The following LRRC4C variants were observed in gnomAD, a reference collection of about 807,000 sequenced individuals.
LRRC4C encodes the protein leucine-rich repeat-containing protein 4C.
A neutral mutation model predicts 33.6 loss-of-function variants in LRRC4C; 5 were observed. The observed-to-expected ratio is 0.15, with a 90% CI of 0.08 to 0.31. The LOEUF (loss-of-function observed/expected upper bound fraction) is 0.31, where lower values mean the gene tolerates loss of function less well. Ranked by LOEUF, LRRC4C falls within the 10% of genes least tolerant of loss-of-function variation. The pLI is 1.00. For synonymous variants in LRRC4C, 329 were observed against 302.0 expected, an observed-to-expected ratio of 1.09 and a Z score of -0.93; for missense variants, 560 against 796.7, an observed-to-expected ratio of 0.70 and a Z score of 3.58.
At chr11:40,754,696 G>A (rs1371904241) in intron 2 of LRRC4C, among the ~76,000 whole-genome samples, 2 of 151,962 alleles carry the variant, frequency 1.3e-5, no homozygotes, top group Non-Finnish European at 2.9e-5. Flanking sequence ...TAACAAAGCA[G>A]TATCTTAAGA....
chr11:40,454,553 G>A (rs1389260760), intron 3 of LRRC4C, among the ~76,000 whole-genome samples: 1 of 152,162 alleles, frequency 6.6e-6, no homozygotes, highest in Non-Finnish European at 1.5e-5. Flanking sequence ...AAGGAAACTT[G>A]TGCGATTCAA....
At chr11:41,040,030 C>T (rs533533455) in intron 1 of LRRC4C, among the ~76,000 whole-genome samples, 2 of 149,674 alleles carry the variant, frequency 1.3e-5, no homozygotes, top group East Asian at 2.0e-4. Context: ...CACAGCTACT[C>T]GGGAGGCTGA....
intron 3 of LRRC4C, among the ~76,000 whole-genome samples, chr11:40,441,422 C>A (rs932253675): frequency 6.6e-6 from 1 of 152,176 alleles, no homozygotes; most frequent in Admixed American, 6.5e-5. Context: ...TAGTACGATT[C>A]GCTGTAACTA....
chr11:41,411,329 T>C (rs968268167), intron 1 of LRRC4C, among the ~76,000 whole-genome samples: 3 of 151,210 alleles, frequency 2.0e-5, no homozygotes, highest in Admixed American at 6.6e-5. Flanking sequence ...TTTGTATTTT[T>C]AGTGGAGACG....
chr11:41,339,415 A>G (rs1301836131), intron 1 of LRRC4C, among the ~76,000 whole-genome samples: 1 of 152,174 alleles, frequency 6.6e-6, no homozygotes, highest in Non-Finnish European at 1.5e-5. Context: ...TGTAACTCTT[A>G]GTAAGCTTTG....
At position 41,343,779 on chromosome 11, in the gene LRRC4C, T is replaced by A. The variant is rs1431801192; in HGVS notation, c.-496+115652A>T. 3.3e-5 allele frequency among the ~76,000 whole-genome samples: 5 copies of A among 152,290 alleles called. No homozygotes were observed. In the East Asian group the frequency reaches 9.6e-4, roughly 29 times the overall value. Reference sequence around the variant, plus strand: ...TTTGGTGTTTTTATGATATGGAATGTTTTTCCAGGAAAGAAGTCCCTATTT... The same window carrying A: ...TTTGGTGTTTTTATGATATGGAATGATTTTCCAGGAAAGAAGTCCCTATTT... On this transcript the variant is annotated intron_variant, in intron 1 of 6. Coordinates refer to ENST00000528697, the MANE Select transcript of LRRC4C (RefSeq NM_001258419.2).
intron 2 of LRRC4C, among the ~76,000 whole-genome samples, chr11:40,823,607 T>A (rs2135486079): frequency 6.6e-6 from 1 of 151,924 alleles, no homozygotes; most frequent in South Asian, 2.1e-4. Context: ...GTTCAGCATC[T>A]TTTATCATTA....
At chr11:40,494,044 G>A (rs1485900574) in intron 3 of LRRC4C, among the ~76,000 whole-genome samples, 1 of 152,034 alleles carries the variant, frequency 6.6e-6, no homozygotes. Flanking sequence ...CTAAGCCACG[G>A]TGGCTTAGCT....
At chr11:40,584,380 A>G (rs991505763) in intron 3 of LRRC4C, among the ~76,000 whole-genome samples, 1 of 151,412 alleles carries the variant, frequency 6.6e-6, no homozygotes, top group Non-Finnish European at 1.5e-5. Context: ...ATTTGCCCCA[A>G]ATTGAGAATC....
chr11:40,882,761 C>A (rs1180329781), intron 2 of LRRC4C, among the ~76,000 whole-genome samples: 1 of 152,098 alleles, frequency 6.6e-6, no homozygotes, highest in Non-Finnish European at 1.5e-5. Context: ...TCATTTTCTT[C>A]TCCTCCTCTT....
chr11:40,346,461 A>G (rs1260622856), intron 3 of LRRC4C, among the ~76,000 whole-genome samples: 1 of 152,226 alleles, frequency 6.6e-6, no homozygotes, highest in Non-Finnish European at 1.5e-5. Flanking sequence ...AGAAAATTAA[A>G]TAGTGCATGT....
intron 1 of LRRC4C, among the ~76,000 whole-genome samples, chr11:41,040,055 G>A (rs555024983): frequency 2.8e-3 from 421 of 150,230 alleles, no homozygotes; most frequent in Non-Finnish European, 5.2e-3. Context: ...GGAGGATGGC[G>A]TGAACCCAGG....
At chr11:40,597,788 G>A (rs1283916106) in intron 3 of LRRC4C, among the ~76,000 whole-genome samples, 1 of 152,156 alleles carries the variant, frequency 6.6e-6, no homozygotes, top group Non-Finnish European at 1.5e-5. Flanking sequence ...TGAACACGTT[G>A]ACATCGCAGT....
intron 2 of LRRC4C, among the ~76,000 whole-genome samples, chr11:40,700,626 A>G (rs991593800): frequency 6.6e-6 from 1 of 152,112 alleles, no homozygotes; most frequent in Non-Finnish European, 1.5e-5. Context: ...ACAAAGGACA[A>G]AGTTAGCTAA....
At chr11:41,050,417 T>C (rs1270337867) in intron 1 of LRRC4C, among the ~76,000 whole-genome samples, 2 of 152,240 alleles carry the variant, frequency 1.3e-5, no homozygotes, top group Admixed American at 1.3e-4. Flanking sequence ...ATGCATTAAG[T>C]ATTTGTCCTA....
intron 1 of LRRC4C, among the ~76,000 whole-genome samples, chr11:41,318,813 C>T (rs1950870615): frequency 6.6e-6 from 1 of 151,942 alleles, no homozygotes; most frequent in Admixed American, 6.6e-5. Context: ...AAAAAAAAAA[C>T]CTGGTGAGAT....
At chr11:41,100,415 A>C (rs151200547) in intron 1 of LRRC4C, among the ~76,000 whole-genome samples, 4 of 151,946 alleles carry the variant, frequency 2.6e-5, no homozygotes, top group Non-Finnish European at 5.9e-5. Flanking sequence ...AAAATACAAA[A>C]AAGTAGCTGG....
At chr11:40,944,604 G>A (rs552252952) in intron 1 of LRRC4C, among the ~76,000 whole-genome samples, 17 of 152,266 alleles carry the variant, frequency 1.1e-4, no homozygotes, top group Admixed American at 1.0e-3. Context: ...TTCTTGAACT[G>A]GATGCCCTTT....
At chr11:40,404,321 A>G (rs1048317944) in intron 3 of LRRC4C, among the ~76,000 whole-genome samples, 12 of 152,264 alleles carry the variant, frequency 7.9e-5, no homozygotes, top group African/African-American at 2.6e-4. Context: ...CAATTGACCC[A>G]CACAATAAAG....
Sources: gnomAD v4.1 joint callset for allele counts (sites outside exome capture counted in the v4.1 genomes callset) on GRCh38, gnomAD v4.1.1 for gene constraint, MANE v1.5 for transcripts, NCBI Gene and HGNC (gene_info 2026-07-23, HGNC 2026-07-21) for gene names.